ERC2: variants seen among roughly 807,000 people sequenced by gnomAD.
ERC2 encodes the protein ELKS/RAB6-interacting/CAST family member 2.
In ERC2, 42 loss-of-function variants were observed where a neutral mutation model predicts 114.8. The observed-to-expected ratio is 0.37, with a 90% CI of 0.29 to 0.47. The LOEUF (loss-of-function observed/expected upper bound fraction) is 0.47. Among genes scored for constraint, ERC2 ranks in the 20% least tolerant of loss-of-function variants. ERC2 has a pLI of 0.99. For missense variants in ERC2, 939 were observed against 1,150.7 expected (o/e 0.82, Z 2.66); for synonymous variants, 454 against 425.5 (o/e 1.07, Z -0.82).
At chr3:55,682,518 T>C (rs932754613) in intron 17 of ERC2, among the ~76,000 whole-genome samples, 2 of 152,140 alleles carry the variant, frequency 1.3e-5, no homozygotes, top group African/African-American at 4.8e-5. Flanking sequence ...GTGGGACATG[T>C]AACAGGTTCA....
intron 12 of ERC2, among the ~76,000 whole-genome samples, chr3:55,951,325 C>T (rs976631022): frequency 2.0e-5 from 3 of 152,184 alleles, no homozygotes; most frequent in East Asian, 1.9e-4. Flanking sequence ...CAATCAAATA[C>T]ATTGTCATCA....
intron 14 of ERC2, among the ~76,000 whole-genome samples, chr3:55,857,551 C>T (rs950272890): frequency 3.3e-5 from 5 of 152,176 alleles, no homozygotes; most frequent in African/African-American, 1.2e-4. Flanking sequence ...TGCTATTCTT[C>T]TTTTAATGCT....
At chr3:56,263,977 G>A (rs1006324904) in intron 3 of ERC2, among the ~76,000 whole-genome samples, 10 of 151,990 alleles carry the variant, frequency 6.6e-5, no homozygotes, top group Admixed American at 3.9e-4. Context: ...GTATATCCCT[G>A]GGATGCAAGG....
intron 14 of ERC2, among the ~76,000 whole-genome samples, chr3:55,833,367 G>A (rs1397341151): frequency 6.6e-6 from 1 of 151,068 alleles, no homozygotes; most frequent in African/African-American, 2.5e-5. Context: ...GAGAAAGGTC[G>A]GGTTACCCAC....
chr3:55,709,769 AC>A (rs1329931128), intron 15 of ERC2, among the ~76,000 whole-genome samples: 1 of 152,126 alleles, frequency 6.6e-6, no homozygotes, highest in Admixed American at 6.5e-5. Flanking sequence ...GCCATGCAAA[AC>A]ATGTGGTGGG....
intron 4 of ERC2, among the ~76,000 whole-genome samples, chr3:56,152,999 C>T (rs75884316): frequency 0.012 from 1,754 of 152,232 alleles, 31 homozygotes; most frequent in African/African-American, 0.033. Context: ...TAGCCCATGA[C>T]GGCTATAGTT....
chr3:56,416,659 T>TAAA (rs35915351), intron 2 of ERC2, among the ~76,000 whole-genome samples: 75 of 104,274 alleles, frequency 7.2e-4, no homozygotes, highest in African/African-American at 1.4e-3. Context: ...AAAACATGAT[T>TAAA]AAAAAAAAAA....
chr3:56,098,685 C>T (rs899067543), intron 6 of ERC2, among the ~76,000 whole-genome samples: 2 of 152,162 alleles, frequency 1.3e-5, no homozygotes, highest in African/African-American at 4.8e-5. Flanking sequence ...TTGGAAGCAG[C>T]TTCATAGAGC....
At chr3:56,435,995 C>CAT (rs1331293730) in intron 1 of ERC2, among the ~76,000 whole-genome samples, 2 of 152,134 alleles carry the variant, frequency 1.3e-5, no homozygotes, top group Non-Finnish European at 2.9e-5. Context: ...AAGAAGTTCC[C>CAT]ATCACGGTTA....
At chr3:55,818,605 G>T (rs1028467626) in intron 14 of ERC2, among the ~76,000 whole-genome samples, 3 of 152,178 alleles carry the variant, frequency 2.0e-5, no homozygotes, top group Middle Eastern at 3.2e-3. Context: ...GGGATACTTA[G>T]CAAGTGACCT....
intron 15 of ERC2, among the ~76,000 whole-genome samples, chr3:55,720,370 T>C (rs1179573272): frequency 7.0e-6 from 1 of 142,084 alleles, no homozygotes; most frequent in African/African-American, 2.6e-5. Flanking sequence ...ACTGCAGCCT[T>C]GACCTCCCAG....
intron 2 of ERC2, among the ~76,000 whole-genome samples, chr3:56,374,671 C>T (rs1446769459): frequency 6.6e-6 from 1 of 151,982 alleles, no homozygotes; most frequent in African/African-American, 2.4e-5. Flanking sequence ...CTCCACAGCC[C>T]CTGTTATCAG....
chr3:55,714,639 A>ATGTGTG (rs34850947), intron 15 of ERC2, among the ~76,000 whole-genome samples: 19 of 99,818 alleles, frequency 1.9e-4, no homozygotes, highest in African/African-American at 6.9e-4. Flanking sequence ...GTTTGTATAT[A>ATGTGTG]TGTGTGTGTG....
chr3:56,120,355 G>A (rs562105143), intron 6 of ERC2, among the ~76,000 whole-genome samples: 9 of 152,196 alleles, frequency 5.9e-5, no homozygotes, highest in African/African-American at 2.2e-4. Context: ...GGATTTTATG[G>A]AGATTCAGTG....
In ERC2 at chr3:56,105,999, T is replaced by C. The variant is rs138652801; in HGVS notation, c.1474-25015A>G. Among the ~76,000 whole-genome samples, 426 of 152,324 alleles carry C rather than the reference T, an allele frequency of 2.8e-3. 3 individuals are homozygous for C. Among genetic ancestry groups the C allele is most frequent in the South Asian group, 0.023 (110 of 4,830 alleles). On this transcript the variant is annotated intron_variant, in intron 6 of 17. Transcript: ENST00000288221. ...ACATGATTTCAGAAAGAATGCACAA[T>C]TCAGGACTTATGTTTCTGGTACAGA... is the stretch of plus-strand genomic sequence containing the variant.
intron 3 of ERC2, among the ~76,000 whole-genome samples, chr3:56,291,081 GA>G (rs1293129664): frequency 6.6e-6 from 1 of 152,186 alleles, no homozygotes. Context: ...GACCAGTCAA[GA>G]AAATAGTAAG....
chr3:55,580,228 CAT>C (rs1292075877), intron 17 of ERC2, among the ~76,000 whole-genome samples: 2 of 145,432 alleles, frequency 1.4e-5, no homozygotes, highest in Non-Finnish European at 3.1e-5. Flanking sequence ...CAATAGGAAG[CAT>C]ATTTTTTTTT....
intron 2 of ERC2, among the ~76,000 whole-genome samples, chr3:56,348,428 G>A (rs2058390289): frequency 6.6e-6 from 1 of 151,804 alleles, no homozygotes; most frequent in Non-Finnish European, 1.5e-5. Context: ...TACAGAGTGT[G>A]CGTGCTGTCT....
At chr3:55,946,309 C>T (rs965867342) in intron 13 of ERC2, among the ~76,000 whole-genome samples, 1 of 152,184 alleles carries the variant, frequency 6.6e-6, no homozygotes, top group Non-Finnish European at 1.5e-5. Context: ...CCACCTTTCA[C>T]ACACAATTCA....
Sources: allele counts gnomAD v4.1 joint callset (sites outside exome capture counted in the v4.1 genomes callset), GRCh38; gene constraint gnomAD v4.1.1; transcripts MANE v1.5; gene names NCBI Gene and HGNC (gene_info 2026-07-23, HGNC 2026-07-21).